ATRNL1: variants seen among roughly 807,000 people sequenced by gnomAD.
ATRNL1 encodes the protein attractin like 1, also known as attractin-like protein 1.
In ATRNL1, 95 loss-of-function variants were observed where a neutral mutation model predicts 182.7. That is an observed-to-expected ratio of 0.52 (90% CI 0.44 to 0.62). The LOEUF (loss-of-function observed/expected upper bound fraction) is 0.62, where lower values mean the gene tolerates loss of function less well. Ranked by LOEUF, ATRNL1 falls within the 20% of genes least tolerant of loss-of-function variation. The pLI, the probability that ATRNL1 is intolerant of heterozygous loss-of-function variation, is 0.00. For synonymous variants in ATRNL1, 576 were observed against 568.3 expected (o/e 1.01, Z -0.19); for missense variants, 1,471 against 1,679.5 (o/e 0.88, Z 2.17).
intron 24 of ATRNL1, among the ~76,000 whole-genome samples, chr10:115,512,272 A>G (rs1554982822): frequency 1.3e-5 from 2 of 151,844 alleles, no homozygotes; most frequent in African/African-American, 4.8e-5. Flanking sequence ...TGTTGCCGTT[A>G]TTGTCTCACT....
At chr10:115,298,345 A>G (rs1672326901) in intron 15 of ATRNL1, among the ~76,000 whole-genome samples, 1 of 152,152 alleles carries the variant, frequency 6.6e-6, no homozygotes, top group African/African-American at 2.4e-5. Context: ...TAAGATAATG[A>G]ACTGCCTGTC....
At chr10:115,385,733 T>G (rs918174367) in intron 19 of ATRNL1, among the ~76,000 whole-genome samples, 3 of 152,222 alleles carry the variant, frequency 2.0e-5, no homozygotes, top group Admixed American at 6.5e-5. Flanking sequence ...GAGTAAAATT[T>G]GTGTGTAATG....
chr10:115,636,042 T>G (rs575297524), intron 26 of ATRNL1, among the ~76,000 whole-genome samples: 5 of 152,320 alleles, frequency 3.3e-5, no homozygotes, highest in South Asian at 4.1e-4. Flanking sequence ...GGAGTACTGC[T>G]AATATAGGAT....
At chr10:115,868,554 CTGAA>C (rs1467215929) in intron 28 of ATRNL1, among the ~76,000 whole-genome samples, 1 of 152,112 alleles carries the variant, frequency 6.6e-6, no homozygotes, top group Non-Finnish European at 1.5e-5. Flanking sequence ...CAATGCTTCA[CTGAA>C]TGAATGAATG....
intron 26 of ATRNL1, among the ~76,000 whole-genome samples, chr10:115,646,533 C>A (rs1395150021): frequency 6.6e-6 from 1 of 151,712 alleles, no homozygotes; most frequent in Non-Finnish European, 1.5e-5. Flanking sequence ...GGTGCATAAC[C>A]ACATCTGCTG....
chr10:115,818,597 C>T (rs1277104629), intron 27 of ATRNL1, among the ~76,000 whole-genome samples: 1 of 152,124 alleles, frequency 6.6e-6, no homozygotes, highest in African/African-American at 2.4e-5. Flanking sequence ...ATTATGTTGG[C>T]TGTGCCCTTC....
intron 28 of ATRNL1, among the ~76,000 whole-genome samples, chr10:115,917,074 A>G (rs1213679849): frequency 6.6e-6 from 1 of 152,206 alleles, no homozygotes; most frequent in Non-Finnish European, 1.5e-5. Context: ...GACACTGCCA[A>G]TGCTGAACCT....
rs1856963443 is a variant in ATRNL1, at chr10:115,365,156, CTT to C, written c.3176-29499_3176-29498del. On this transcript the variant is annotated intron_variant, in intron 19 of 28. Transcript: ENST00000355044. ...CTGTGAATCCATCTGGTCCTGGACT[CTT>C]TTTGGTTGGTAAACTACTGAGTATT... 3.9e-5 allele frequency among the ~76,000 whole-genome samples: 6 copies of C among 152,034 alleles called. No individual in the cohort carries two copies. The South Asian group carries it at 1.3e-3, about 32-fold the overall frequency.
intron 3 of ATRNL1, among the ~76,000 whole-genome samples, chr10:115,126,617 C>T (rs782166513): frequency 2.6e-5 from 4 of 152,048 alleles, no homozygotes; most frequent in African/African-American, 4.8e-5. Context: ...TACTTTTTAA[C>T]TTGTTTGCAT....
intron 20 of ATRNL1, among the ~76,000 whole-genome samples, chr10:115,406,059 A>C (rs1174394781): frequency 1.3e-5 from 2 of 151,936 alleles, no homozygotes; most frequent in African/African-American, 2.4e-5. Flanking sequence ...TCCATGGTGT[A>C]TATGTGCCAC....
At chr10:115,312,923 T>G (rs1854108262) in intron 17 of ATRNL1, among the ~76,000 whole-genome samples, 1 of 152,156 alleles carries the variant, frequency 6.6e-6, no homozygotes, top group South Asian at 2.1e-4. Flanking sequence ...AAAGTATTGT[T>G]AAAACTATCC....
At chr10:115,789,348 T>C (rs1949471126) in intron 27 of ATRNL1, among the ~76,000 whole-genome samples, 1 of 152,226 alleles carries the variant, frequency 6.6e-6, no homozygotes, top group East Asian at 1.9e-4. Flanking sequence ...AAGTTGGTAC[T>C]GTATCTGAAA....
At chr10:115,757,334 G>A (rs1223399083) in intron 27 of ATRNL1, among the ~76,000 whole-genome samples, 1 of 152,148 alleles carries the variant, frequency 6.6e-6, no homozygotes, top group African/African-American at 2.4e-5. Context: ...TCCTTCAGGA[G>A]CTCTTGTAAG....
intron 28 of ATRNL1, among the ~76,000 whole-genome samples, chr10:115,918,359 T>C (rs1952941905): frequency 6.6e-6 from 1 of 152,112 alleles, no homozygotes; most frequent in African/African-American, 2.4e-5. Context: ...CACCTTGGCC[T>C]CGCAAAGTCC....
intron 28 of ATRNL1, among the ~76,000 whole-genome samples, chr10:115,882,057 G>T (rs1002858087): frequency 1.3e-5 from 2 of 152,128 alleles, no homozygotes; most frequent in African/African-American, 4.8e-5. Context: ...CCCCAGCCTT[G>T]GTTCCTAACA....
intron 26 of ATRNL1, among the ~76,000 whole-genome samples, chr10:115,592,505 A>G (rs565331122): frequency 2.0e-5 from 3 of 152,292 alleles, no homozygotes; most frequent in South Asian, 4.1e-4. Flanking sequence ...CAACATAACC[A>G]TTAGCAGACC....
At chr10:115,365,361 G>T (rs1170065259) in intron 19 of ATRNL1, among the ~76,000 whole-genome samples, 1 of 150,572 alleles carries the variant, frequency 6.6e-6, no homozygotes, top group Non-Finnish European at 1.5e-5. Context: ...GGGATCGGTG[G>T]TGATATCCCC....
At chr10:115,451,607 AT>A (rs1460958714) in intron 21 of ATRNL1, among the ~76,000 whole-genome samples, 2 of 152,192 alleles carry the variant, frequency 1.3e-5, no homozygotes, top group Non-Finnish European at 2.9e-5. Context: ...AAGTAAAAAA[AT>A]AACAGATGCT....
At chr10:115,559,452 GCA>G (rs1194347794) in intron 26 of ATRNL1, among the ~76,000 whole-genome samples, 2,552 of 127,550 alleles carry the variant, frequency 0.02, 59 homozygotes, top group African/African-American at 0.061. Flanking sequence ...GTGCGCGCGC[GCA>G]CGCACGCACA....
Sources: allele counts gnomAD v4.1 joint callset (sites outside exome capture counted in the v4.1 genomes callset), GRCh38; gene constraint gnomAD v4.1.1; transcripts MANE v1.5; gene names NCBI Gene and HGNC (gene_info 2026-07-23, HGNC 2026-07-21).